Variants in DYNC2H1 observed in about 807,000 individuals in gnomAD.
The protein encoded by DYNC2H1 is dynein cytoplasmic 2 heavy chain 1.
Under a neutral mutation model 570.0 loss-of-function variants are expected in DYNC2H1, and 410 were observed. The ratio of observed to expected loss-of-function variants is 0.72; its 90% CI spans 0.66 to 0.78. The LOEUF is 0.78. Ranked by LOEUF, DYNC2H1 falls within the 30% of genes least tolerant of loss-of-function variation. DYNC2H1 has a pLI of 0.00. For synonymous variants in DYNC2H1, 1,688 were observed against 1,677.6 expected, an observed-to-expected ratio of 1.01 and a Z score of -0.15; for missense variants, 4,865 against 5,046.4, an observed-to-expected ratio of 0.96 and a Z score of 1.09.
chr11:103,140,436 G>C (rs1364718540), intron 17 of DYNC2H1, among the ~76,000 whole-genome samples: 1 of 152,024 alleles, frequency 6.6e-6, no homozygotes, highest in Non-Finnish European at 1.5e-5. Flanking sequence ...GCATTTGCTT[G>C]TCTGTAAAGT....
At chr11:103,191,433 C>A in intron 45 of DYNC2H1, 84 bp from the exon 46 acceptor site, 1 of 971,116 alleles carries the variant, frequency 1.0e-6, no homozygotes, top group South Asian at 1.6e-5. Flanking sequence ...TGGTATTCCT[C>A]TGAGTCTAAG....
intron 30 of DYNC2H1, 48 bp from the exon 31 acceptor site, chr11:103,165,850 T>A: frequency 7.3e-7 from 1 of 1,375,220 alleles, no homozygotes; most frequent in Non-Finnish European, 9.6e-7. Context: ...ATAAAATATT[T>A]CTAAGTAAAT....
chr11:103,189,809 A>T lies in DYNC2H1; in HGVS notation c.7430A>T (p.Tyr2477Phe). The T allele has an allele frequency of 6.2e-7, 1 of 1,605,416 alleles. No individual in the cohort carries two copies. The highest frequency in any genetic ancestry group is 1.3e-5 in the African/African-American group (1 of 74,574). ...TTAGCAGGATCTATGGTACAAGTGT[A>T]TGAACAGGTAGATATGCATCTAAAT... ...YLLAGSMVQVYEQVRAKFTVD... is the reference protein window; with the variant it reads ...YLLAGSMVQVFEQVRAKFTVD... The change falls in exon 45 of 89, where the codon TAT becomes TTT. Residue 2477 changes from tyrosine to phenylalanine, a missense_variant. Tyr to Phe is a conservative substitution (Grantham distance 22). Transcript: ENST00000375735. This position sits in a 1 kb window ranked among gnomAD's most constrained non-coding sequence, Gnocchi z 4.3.
chr11:103,479,077 A>G lies in DYNC2H1; in HGVS notation c.12766-18A>G. On this transcript the variant is annotated intron_variant, in intron 88 of 88. Transcript: ENST00000375735. ...ATAGTGTATTGCTTTATTTTAAAAC[A>G]AGTTATTTTTTAAACAGGATGCATG... 1 of 1,612,662 alleles carries G rather than the reference A, an allele frequency of 6.2e-7. No individual in the cohort carries two copies. Among genetic ancestry groups the G allele is most frequent in the Non-Finnish European group, 8.5e-7 (1 of 1,179,144 alleles).
At chr11:103,474,305 C>T (rs1159297958) in intron 88 of DYNC2H1, among the ~76,000 whole-genome samples, 1 of 152,074 alleles carries the variant, frequency 6.6e-6, no homozygotes, top group Non-Finnish European at 1.5e-5. Flanking sequence ...CATTAGAACT[C>T]CGATTTCCTA....
intron 83 of DYNC2H1, among the ~76,000 whole-genome samples, chr11:103,365,587 C>A (rs1940868187): frequency 6.6e-6 from 1 of 152,164 alleles, no homozygotes; most frequent in Admixed American, 6.5e-5. Flanking sequence ...CAGTTTAACT[C>A]ATTGTTTAGA....
chr11:103,238,563 T>C (rs1864308303), intron 63 of DYNC2H1, among the ~76,000 whole-genome samples: 1 of 120,198 alleles, frequency 8.3e-6, no homozygotes, highest in African/African-American at 2.9e-5. Flanking sequence ...AGAGTGAAAC[T>C]TCTCAAAACA....
chr11:103,435,634 A>G (rs1276803570), intron 84 of DYNC2H1, among the ~76,000 whole-genome samples: 2 of 152,120 alleles, frequency 1.3e-5, no homozygotes, highest in Non-Finnish European at 2.9e-5. Flanking sequence ...CCACTTATAA[A>G]ATGAATTTGT....
In DYNC2H1 at chr11:103,192,204, A is replaced by G; in HGVS notation, c.7648A>G (p.Ile2550Val). Residue 2550 changes from isoleucine (I) to valine (V), a missense_variant, in exon 47 of 89, where the codon ATC (isoleucine) becomes GTC (valine). Physicochemically the swap from Ile to Val is conservative, Grantham distance 29. Transcript: ENST00000375735. ...VGAKELHLFD[I>V]ILTSVFQGDW... The stretch of plus-strand genomic sequence containing the variant: ...TGCAAAGGAACTTCATTTATTTGAC[A>G]TCATTTTAACATCAGTGTTTCAAGG... 1.3e-6 allele frequency: 2 copies of G among 1,591,736 alleles called. No individual in the cohort carries two copies. The highest frequency in any genetic ancestry group is 1.7e-6 in the Non-Finnish European group (2 of 1,166,270).
At chr11:103,195,683 C>T (rs1862485897) in intron 47 of DYNC2H1, among the ~76,000 whole-genome samples, 1 of 152,138 alleles carries the variant, frequency 6.6e-6, no homozygotes, top group East Asian at 1.9e-4. Context: ...AACAATGTTG[C>T]TGAGATTCTG....
At position 103,143,414 on chromosome 11, in the gene DYNC2H1, G is replaced by C. The variant is rs773983993; in HGVS notation, c.2702+19G>C. The C allele has an allele frequency of 6.4e-5, 101 of 1,573,628 alleles. No individual in the cohort carries two copies. Among genetic ancestry groups the C allele is most frequent in the Non-Finnish European group, 4.3e-6 (5 of 1,162,960 alleles). ...TTCCAAGGTATTGGAGGTTAATGTA[G>C]TACTTACGTACCATAATAATTTTTT... On this transcript the variant is annotated intron_variant, in intron 18 of 88. Coordinates refer to ENST00000375735, the MANE Select transcript of DYNC2H1 (RefSeq NM_001377.3).
rs1281463717 is a variant in DYNC2H1 at position 103,129,577 on chromosome 11, G to A, written c.1953+572G>A. ...TGGGTGCCTGTAATCCCAGCTACTC[G>A]GGAGGCTGATGCAGGAGAATCACTT... On this transcript the variant is annotated intron_variant, in intron 13 of 88. Transcript: ENST00000375735. This position sits in a 1 kb window ranked among gnomAD's most constrained non-coding sequence, Gnocchi z 4.1. 3.3e-5 allele frequency among the ~76,000 whole-genome samples: 5 copies of A among 152,010 alleles called. No homozygotes were observed. The highest frequency in any genetic ancestry group is 7.4e-5 in the Non-Finnish European group (5 of 67,986).
Position 103,283,007 on chromosome 11 carries a change from G to A in DYNC2H1, c.10813-1G>A. On this transcript the variant is annotated splice_acceptor_variant, in intron 72 of 88. Transcript: ENST00000375735. LOFTEE classifies it high-confidence loss of function. ...AAGGAAAATAATTGCTTTTATTAAA[G>A]GACTCTCAACAAAAAATACGTGATC... The A allele has an allele frequency of 5.0e-6, 8 of 1,595,090 alleles. No homozygotes were observed. Among genetic ancestry groups the A allele is most frequent in the Non-Finnish European group, 6.8e-6 (8 of 1,171,050 alleles).
At position 103,287,516 on chromosome 11, in the gene DYNC2H1, C is replaced by A; in HGVS notation, c.11023-17C>A. On this transcript the variant is annotated splice_polypyrimidine_tract_variant and intron_variant, in intron 74 of 88. Coordinates refer to ENST00000375735, the MANE Select transcript of DYNC2H1 (RefSeq NM_001377.3). ...AGCAACTTTATTCTTTAAAAATATT[C>A]TGCATTTTATTTTAAGATTCTTGTA... is the stretch of plus-strand genomic sequence containing the variant. 1 of 1,586,142 alleles carries A rather than the reference C, an allele frequency of 6.3e-7. No homozygotes were observed. Among genetic ancestry groups the A allele is most frequent in the Non-Finnish European group, 8.6e-7 (1 of 1,166,078 alleles).
Position 103,479,253 on chromosome 11 carries a change from G to C in DYNC2H1, c.12924G>C (p.Ter4308TyrextTer29), listed in dbSNP as rs199566086. 5.0e-6 allele frequency: 8 copies of C among 1,607,718 alleles called. No homozygotes were observed. The highest frequency in any genetic ancestry group is 6.8e-6 in the Non-Finnish European group (8 of 1,176,544). ...CGAALFLKNQ[*>Y] Reference sequence around the variant, plus strand: ...CAGCTCTATTCCTAAAAAATCAGTAGAATCTAATGACAACAAAAGCCATCT... The same window carrying C: ...CAGCTCTATTCCTAAAAAATCAGTACAATCTAATGACAACAAAAGCCATCT... The change falls in exon 89 of 89, where the codon TAG becomes TAC. Residue 4308 changes from the stop codon to tyrosine, a stop_lost. Transcript: ENST00000375735.
In DYNC2H1 at chr11:103,205,838, T is replaced by C. The variant is rs1185134174; in HGVS notation, c.8454+874T>C. 6.6e-6 allele frequency among the ~76,000 whole-genome samples: 1 copy of C among 152,120 alleles called. No homozygotes were observed. The highest frequency in any genetic ancestry group is 2.4e-5 in the African/African-American group (1 of 41,438). On this transcript the variant is annotated intron_variant, in intron 52 of 88. Coordinates refer to ENST00000375735, the MANE Select transcript of DYNC2H1 (RefSeq NM_001377.3). The surrounding 1 kb of genome is among the most constrained non-coding windows in gnomAD (Gnocchi z 4.5). The stretch of plus-strand genomic sequence containing the variant: ...GCAACTTCACCTGGAGCAGAGTGAT[T>C]GAGGGGAGAGTTGGTGAAGATGATG...
chr11:103,166,590 T>G (rs1861313137), intron 31 of DYNC2H1, among the ~76,000 whole-genome samples: 1 of 152,214 alleles, frequency 6.6e-6, no homozygotes, highest in South Asian at 2.1e-4. Flanking sequence ...GAAGAATTTT[T>G]CACTGGCTAT....
intron 70 of DYNC2H1, among the ~76,000 whole-genome samples, chr11:103,270,208 AAT>A (rs1380729847): frequency 1.4e-5 from 2 of 147,448 alleles, no homozygotes; most frequent in Non-Finnish European, 3.0e-5. Context: ...AAAAAAAAAA[AAT>A]AATAATAATA....
chr11:103,393,174 G>A (rs1942245686), intron 83 of DYNC2H1, among the ~76,000 whole-genome samples: 1 of 152,178 alleles, frequency 6.6e-6, no homozygotes, highest in Non-Finnish European at 1.5e-5. Flanking sequence ...GTGAGCCATG[G>A]CACCCAGCCA....
Sources: allele counts gnomAD v4.1 joint callset (sites outside exome capture counted in the v4.1 genomes callset), GRCh38; gene constraint gnomAD v4.1.1; non-coding constraint Gnocchi (gnomAD v3.1); transcripts MANE v1.5; gene names NCBI Gene and HGNC (gene_info 2026-07-23, HGNC 2026-07-21).